LRBA: variants seen among roughly 807,000 people sequenced by gnomAD.
LRBA encodes the protein LPS responsive beige-like anchor protein.
A neutral mutation model predicts 330.0 loss-of-function variants in LRBA; 176 were observed. The ratio of observed to expected loss-of-function variants is 0.53; its 90% CI spans 0.47 to 0.60. LRBA has a LOEUF of 0.60. Among genes scored for constraint, LRBA ranks in the 20% least tolerant of loss-of-function variants. The probability of loss-of-function intolerance (pLI) is 0.00; values close to 1 mark genes in which losing one functional copy is unlikely to be tolerated. For missense variants in LRBA, 3,259 were observed against 3,444.8 expected (o/e 0.95, Z 1.35); for synonymous variants, 1,230 against 1,193.0 (o/e 1.03, Z -0.64).
chr4:150,902,295 A>T (rs115414192), intron 13 of LRBA, among the ~76,000 whole-genome samples: 1 of 152,204 alleles, frequency 6.6e-6, no homozygotes, highest in East Asian at 1.9e-4. Flanking sequence ...TGATGGTTGA[A>T]ATAAAGGTTT....
chr4:150,696,744 G>A (rs1784651882), intron 36 of LRBA, among the ~76,000 whole-genome samples: 1 of 151,744 alleles, frequency 6.6e-6, no homozygotes, highest in South Asian at 2.1e-4. Context: ...AGTGGCTCAT[G>A]TCTGTAATCC....
chr4:150,409,402 T>G (rs2151942742), intron 47 of LRBA, among the ~76,000 whole-genome samples: 1 of 152,248 alleles, frequency 6.6e-6, no homozygotes. Context: ...CTCAGAATCC[T>G]AAATTGAAAA....
In LRBA at chr4:150,870,471, CTTTCTT is replaced by C; in HGVS notation, c.2449+48_2449+53del. The C allele has an allele frequency of 6.4e-6, 6 of 931,478 alleles. No homozygotes were observed. In the South Asian group the frequency reaches 6.5e-5, roughly 10 times the overall value. The allele number at this position is 931,478 out of a possible 1,614,324, so 57.7% of individuals were successfully genotyped here. Reference sequence around the variant, plus strand: ...ATCAATTTTAGGTTGTTCACAGTGACTTTCTTTTTAAGTAGCAAAAGGTAGTTTTTG... The same window carrying C: ...ATCAATTTTAGGTTGTTCACAGTGACTTTAAGTAGCAAAAGGTAGTTTTTG... On this transcript the variant is annotated intron_variant, in intron 20 of 56. Transcript: ENST00000651943.
chr4:150,333,525 C>T (rs1204979795), intron 48 of LRBA, among the ~76,000 whole-genome samples: 4 of 152,088 alleles, frequency 2.6e-5, no homozygotes, highest in African/African-American at 9.7e-5. Flanking sequence ...TTTAAGCATT[C>T]CAACAAGACT....
At chr4:150,358,003 C>T (rs1352740977) in intron 47 of LRBA, among the ~76,000 whole-genome samples, 1 of 151,976 alleles carries the variant, frequency 6.6e-6, no homozygotes, top group Non-Finnish European at 1.5e-5. Flanking sequence ...ACCAGATGGC[C>T]TGGAAAAACA....
In LRBA at chr4:150,508,186, CTGCAAATTG is replaced by C. The variant is rs1245652373; in HGVS notation, c.6331-17160_6331-17152del. Among the ~76,000 whole-genome samples the C allele has an allele frequency of 2.4e-4, 31 of 131,316 alleles. 1 individual carries two copies. In the East Asian group the frequency reaches 5.9e-3, roughly 25 times the overall value. 86.1% of individuals were successfully genotyped at this position (131,316 alleles called of 152,430 possible). A position where few individuals can be genotyped will look rare whatever the true frequency, so the allele number is the denominator to read the frequency against. ...GCACATGTATACATATGTAACAAAC[CTGCAAATTG>C]TGCACATGTACCCTAAAACTTAAAA... On this transcript the variant is annotated intron_variant, in intron 40 of 56. Coordinates refer to ENST00000651943, the MANE Select transcript of LRBA (RefSeq NM_001364905.1).
chr4:150,310,445 G>T (rs1730913849), intron 51 of LRBA, 61 bp from the exon 52 acceptor site: 2 of 1,099,468 alleles, frequency 1.8e-6, no homozygotes, highest in Non-Finnish European at 2.7e-6. Context: ...ATTCTATAGT[G>T]AGGGAGAAGA....
intron 47 of LRBA, among the ~76,000 whole-genome samples, chr4:150,387,275 G>T (rs548899671): frequency 6.6e-6 from 1 of 151,802 alleles, no homozygotes; most frequent in African/African-American, 2.4e-5. Flanking sequence ...ATTAAAAAAA[G>T]GTTCAAAGTT....
intron 2 of LRBA, among the ~76,000 whole-genome samples, chr4:150,958,652 T>G (rs1737815331): frequency 6.7e-6 from 1 of 149,302 alleles, no homozygotes; most frequent in Non-Finnish European, 1.5e-5. Flanking sequence ...ACTTTTACAC[T>G]TTGCTTCCTC....
intron 48 of LRBA, among the ~76,000 whole-genome samples, chr4:150,346,580 T>C (rs565495693): frequency 2.4e-4 from 36 of 151,416 alleles, no homozygotes; most frequent in Middle Eastern, 3.4e-3. Flanking sequence ...GCTAATATGG[T>C]AAAACCCGTC....
intron 14 of LRBA, among the ~76,000 whole-genome samples, chr4:150,899,485 T>C (rs1040774173): frequency 2.0e-5 from 3 of 152,158 alleles, no homozygotes; most frequent in Non-Finnish European, 4.4e-5. Context: ...GAGACTGTTA[T>C]AGTTACAACC....
chr4:150,351,485 C>G (rs570238149), intron 47 of LRBA, among the ~76,000 whole-genome samples: 2 of 152,042 alleles, frequency 1.3e-5, no homozygotes, highest in East Asian at 1.9e-4. Flanking sequence ...GTCAGGAGAT[C>G]GAGACCATCC....
chr4:150,329,184 C>A (rs910847142), intron 48 of LRBA, among the ~76,000 whole-genome samples: 5 of 152,162 alleles, frequency 3.3e-5, no homozygotes, highest in Non-Finnish European at 7.4e-5. Flanking sequence ...GTCTTGAAGG[C>A]ATCTGAAAAG....
At chr4:150,867,906 A>T (rs1183350190) in intron 21 of LRBA, 43 bp from the exon 22 acceptor site, 1 of 1,458,390 alleles carries the variant, frequency 6.9e-7, no homozygotes, top group African/African-American at 1.4e-5. Flanking sequence ...AGAAAAAAAA[A>T]TTATCTAAAA....
At chr4:150,719,741 G>A (rs150580586) in intron 36 of LRBA, among the ~76,000 whole-genome samples, 28 of 152,126 alleles carry the variant, frequency 1.8e-4, no homozygotes, top group African/African-American at 5.1e-4. Context: ...AGTAGGTAAC[G>A]TTACCTCTTT....
chr4:150,713,560 T>C (rs1309556964), intron 36 of LRBA, among the ~76,000 whole-genome samples: 4 of 152,206 alleles, frequency 2.6e-5, no homozygotes, highest in Non-Finnish European at 5.9e-5. Context: ...AACTGTAACG[T>C]GGCAAAGTAT....
At position 150,893,159 on chromosome 4, in the gene LRBA, T is replaced by C; in HGVS notation, c.2068-10A>G. On this transcript the variant is annotated splice_polypyrimidine_tract_variant and intron_variant, in intron 16 of 56. Coordinates refer to ENST00000651943, the MANE Select transcript of LRBA (RefSeq NM_001364905.1). Reference sequence around the variant, plus strand: ...CCATTAGATTGTCATCCTATAATCATTTTAGAAATTTTTTTTAAAAAATGA... The same window carrying C: ...CCATTAGATTGTCATCCTATAATCACTTTAGAAATTTTTTTTAAAAAATGA... 1 of 1,531,994 alleles carries C rather than the reference T, an allele frequency of 6.5e-7. No homozygotes were observed. The highest frequency in any genetic ancestry group is 8.9e-7 in the Non-Finnish European group (1 of 1,123,938). The allele number at this position is 1,531,994 out of a possible 1,614,324, so 94.9% of individuals were successfully genotyped here. A position where few individuals can be genotyped will look rare whatever the true frequency, so the allele number is the denominator to read the frequency against.
intron 36 of LRBA, among the ~76,000 whole-genome samples, chr4:150,712,517 A>C (rs1214361716): frequency 6.6e-6 from 1 of 152,182 alleles, no homozygotes; most frequent in Non-Finnish European, 1.5e-5. Context: ...TCAAAACATA[A>C]AGTGAGGTAA....
At chr4:150,297,000 G>C (rs1196382591) in intron 53 of LRBA, among the ~76,000 whole-genome samples, 1 of 145,842 alleles carries the variant, frequency 6.9e-6, no homozygotes, top group Non-Finnish European at 1.5e-5. Context: ...TACTTTCTTA[G>C]ACTAATGCCA....
Sources: gnomAD v4.1 joint callset for allele counts (sites outside exome capture counted in the v4.1 genomes callset) on GRCh38, gnomAD v4.1.1 for gene constraint, MANE v1.5 for transcripts, NCBI Gene and HGNC (gene_info 2026-07-23, HGNC 2026-07-21) for gene names.